Variants in IFT80 observed in about 807,000 individuals in gnomAD.
IFT80 encodes the protein intraflagellar transport protein 80 homolog.
IFT80 carries 79 observed loss-of-function variants against 107.9 expected under a neutral mutation model. That is an observed-to-expected ratio of 0.73 (90% confidence interval 0.61 to 0.88). The LOEUF is 0.88. IFT80 is among the 40% of genes least tolerant of loss of function. The pLI is 0.00. For synonymous variants in IFT80, 299 were observed against 300.9 expected (o/e 0.99, Z 0.07); for missense variants, 797 against 914.2 (o/e 0.87, Z 1.65).
intron 19 of IFT80, among the ~76,000 whole-genome samples, chr3:160,266,339 TCC>T (rs11294435): frequency 2.1e-5 from 3 of 145,760 alleles, no homozygotes; most frequent in African/African-American, 2.5e-5. Flanking sequence ...TTCTTTCTCC[TCC>T]CCCCCCCTTC....
At chr3:160,288,882 T>A (rs1435418809) in intron 12 of IFT80, among the ~76,000 whole-genome samples, 1 of 152,200 alleles carries the variant, frequency 6.6e-6, no homozygotes, top group East Asian at 1.9e-4. Flanking sequence ...GTTCAATCAT[T>A]GTGGAGAGGA....
chr3:160,292,232 T>C (rs1431117747), intron 12 of IFT80, among the ~76,000 whole-genome samples: 1 of 152,142 alleles, frequency 6.6e-6, no homozygotes, highest in African/African-American at 2.4e-5. Flanking sequence ...AATGCATTGA[T>C]TTGGACCACC....
At chr3:160,363,513 A>G (rs1032739819) in intron 6 of IFT80, among the ~76,000 whole-genome samples, 4 of 152,212 alleles carry the variant, frequency 2.6e-5, no homozygotes, top group Non-Finnish European at 5.9e-5. Flanking sequence ...GGAAAAAACT[A>G]CTTTAAAGTT....
intron 1 of IFT80, among the ~76,000 whole-genome samples, chr3:160,396,877 T>C (rs1050606357): frequency 2.6e-5 from 4 of 152,226 alleles, no homozygotes; most frequent in African/African-American, 9.6e-5. Flanking sequence ...TTTTGTGGTA[T>C]ATATAAATCT....
chr3:160,377,306 A>G, intron 4 of IFT80, 124 bp downstream of exon 4: 2 of 673,028 alleles, frequency 3.0e-6, no homozygotes, highest in Non-Finnish European at 5.4e-6. Context: ...GTGTAGAACA[A>G]TACTATGCCA....
At chr3:160,316,437 T>A (rs929444988) in intron 9 of IFT80, among the ~76,000 whole-genome samples, 14 of 152,270 alleles carry the variant, frequency 9.2e-5, no homozygotes, top group Admixed American at 7.8e-4. Context: ...CATGCCTGGA[T>A]TCCTGACTCA....
At chr3:160,397,281 C>T (rs955525316) in intron 1 of IFT80, among the ~76,000 whole-genome samples, 3 of 152,154 alleles carry the variant, frequency 2.0e-5, no homozygotes, top group South Asian at 2.1e-4. Flanking sequence ...CTTTAACATA[C>T]CCCACATAAC....
At chr3:160,293,370 T>C (rs1715720677) in intron 12 of IFT80, among the ~76,000 whole-genome samples, 1 of 152,220 alleles carries the variant, frequency 6.6e-6, no homozygotes, top group Admixed American at 6.5e-5. Context: ...GCTAGTGTCT[T>C]CTGACTCTTA....
intron 1 of IFT80, among the ~76,000 whole-genome samples, chr3:160,397,737 T>TTTTTG (rs1350153504): frequency 2.0e-5 from 3 of 148,736 alleles, no homozygotes; most frequent in African/African-American, 7.6e-5. Flanking sequence ...TTTTTTTTTT[T>TTTTTG]TGAGACGCAG....
Position 160,337,189 on chromosome 3 carries a change from C to G in IFT80, c.778-17250G>C, listed in dbSNP as rs528494091. Among the ~76,000 whole-genome samples the G allele has an allele frequency of 5.6e-4, 85 of 152,300 alleles. 1 individual carries two copies. Among genetic ancestry groups the G allele is most frequent in the African/African-American group, 2.0e-3 (84 of 41,554 alleles). Reference sequence around the variant, plus strand: ...GTTCTACAGATGAATATAAAATGCTCACAATCAGTCCTGATTTTACTATGT... The same window carrying G: ...GTTCTACAGATGAATATAAAATGCTGACAATCAGTCCTGATTTTACTATGT... On this transcript the variant is annotated intron_variant, in intron 8 of 19. Transcript: ENST00000326448.
Position 160,357,602 on chromosome 3 carries a change from T to C in IFT80, c.550-24A>G, listed in dbSNP as rs774432564. 2.0e-6 allele frequency: 3 copies of C among 1,468,474 alleles called. No individual in the cohort carries two copies. In the Admixed American group the frequency reaches 5.1e-5, roughly 25 times the overall value. The allele number at this position is 1,468,474 out of a possible 1,614,324, so 91.0% of individuals were successfully genotyped here. On this transcript the variant is annotated intron_variant, in intron 6 of 19. Transcript: ENST00000326448. ...CACTGTGAGAAAAAAGAATAAGATA[T>C]TAATTATAAGTTTAAAAGCACTTAA...
chr3:160,317,123 C>T (rs1023281462), intron 9 of IFT80, among the ~76,000 whole-genome samples: 5 of 151,976 alleles, frequency 3.3e-5, no homozygotes, highest in African/African-American at 1.2e-4. Flanking sequence ...CTGTCTTGTT[C>T]ACTTCTGTAT....
chr3:160,356,182 A>AT, intron 7 of IFT80, 32 bp from the exon 8 acceptor site: 1 of 1,601,392 alleles, frequency 6.2e-7, no homozygotes, highest in East Asian at 2.2e-5. Context: ...ATCTTTTATA[A>AT]TATCAGGGAG....
intron 5 of IFT80, among the ~76,000 whole-genome samples, chr3:160,369,832 T>G (rs148070609): frequency 3.2e-4 from 48 of 152,102 alleles, no homozygotes; most frequent in African/African-American, 1.2e-3. Context: ...GTTTTTTACT[T>G]TTTATATTGG....
intron 8 of IFT80, among the ~76,000 whole-genome samples, chr3:160,346,788 G>T (rs1414522578): frequency 2.0e-5 from 3 of 151,898 alleles, no homozygotes; most frequent in African/African-American, 7.3e-5. Context: ...TCTGACCTAG[G>T]CACTCCTTTA....
rs1239596967 is a variant in IFT80, at chr3:160,272,861, CA to C, written c.2100-4326del. Among the ~76,000 whole-genome samples, 3 of 152,222 alleles carry C rather than the reference CA, an allele frequency of 2.0e-5. No individual in the cohort carries two copies. The East Asian group carries it at 5.8e-4, about 29-fold the overall frequency. ...GCTTAACCATTACCTTATACTTGTACAAAAAAATCTACTACAGCTCTGTTCT... is the reference window on the plus strand; with the variant it reads ...GCTTAACCATTACCTTATACTTGTACAAAAAATCTACTACAGCTCTGTTCT... On this transcript the variant is annotated intron_variant, in intron 18 of 19. Coordinates refer to ENST00000326448, the MANE Select transcript of IFT80 (RefSeq NM_020800.3).
chr3:160,272,962 T>C (rs1713936453), intron 18 of IFT80, among the ~76,000 whole-genome samples: 2 of 152,214 alleles, frequency 1.3e-5, no homozygotes, highest in Admixed American at 1.3e-4. Flanking sequence ...ATAGGTTATA[T>C]GTAAATACTA....
At chr3:160,286,746 G>T (rs1715123708) in intron 12 of IFT80, among the ~76,000 whole-genome samples, 1 of 152,136 alleles carries the variant, frequency 6.6e-6, no homozygotes, top group African/African-American at 2.4e-5. Flanking sequence ...GGAAAAACAT[G>T]TTGAATGTCT....
chr3:160,338,672 C>G lies in IFT80; in HGVS notation c.777+17341G>C, dbSNP rs573560295. On this transcript the variant is annotated intron_variant, in intron 8 of 19. Coordinates refer to ENST00000326448, the MANE Select transcript of IFT80 (RefSeq NM_020800.3). ...GGACCTGAAGGAGATGAGTGAGAAC[C>G]CATGTGTGTATCTGGAGAAGGGCAT... is the stretch of plus-strand genomic sequence containing the variant. 5.9e-5 allele frequency among the ~76,000 whole-genome samples: 9 copies of G among 151,626 alleles called. No homozygotes were observed. In the East Asian group the frequency reaches 1.6e-3, roughly 26 times the overall value.
Sources: gnomAD v4.1 joint callset for allele counts (sites outside exome capture counted in the v4.1 genomes callset) on GRCh38, gnomAD v4.1.1 for gene constraint, MANE v1.5 for transcripts, NCBI Gene and HGNC (gene_info 2026-07-23, HGNC 2026-07-21) for gene names.